KCNJ6: variants seen among roughly 807,000 people sequenced by gnomAD.
KCNJ6 encodes the protein potassium inwardly rectifying channel subfamily J member 6.
A neutral mutation model predicts 34.2 loss-of-function variants in KCNJ6; 9 were observed. The ratio of observed to expected loss-of-function variants is 0.26; its 90% CI spans 0.16 to 0.46. KCNJ6 has a LOEUF of 0.46. Among genes scored for constraint, KCNJ6 ranks in the 20% least tolerant of loss-of-function variants. The pLI is 1.00. For synonymous variants in KCNJ6, 196 were observed against 207.1 expected, an observed-to-expected ratio of 0.95 and a Z score of 0.46; for missense variants, 236 against 531.3, an observed-to-expected ratio of 0.44 and a Z score of 5.46.
chr21:37,725,872 G>A (rs986790288), intron 2 of KCNJ6, among the ~76,000 whole-genome samples: 1 of 152,146 alleles, frequency 6.6e-6, no homozygotes, highest in Non-Finnish European at 1.5e-5. Context: ...TCTTTGCAAA[G>A]ATTATCTTTT....
intron 1 of KCNJ6, among the ~76,000 whole-genome samples, chr21:37,888,819 G>A (rs1203030452): frequency 6.6e-6 from 1 of 152,226 alleles, no homozygotes; most frequent in African/African-American, 2.4e-5. Context: ...TGACAGGTGG[G>A]GTGTGCACCA....
chr21:37,913,156 T>C lies in KCNJ6; in HGVS notation c.-28+2728A>G, dbSNP rs962162297. On this transcript the variant is annotated intron_variant, in intron 1 of 3. Transcript: ENST00000609713. ...GTGACAGTTGTGGTGGTGGGGGACCTACTACCAAGGATGAGAGCAGGGCAA... is the reference window on the plus strand; with the variant it reads ...GTGACAGTTGTGGTGGTGGGGGACCCACTACCAAGGATGAGAGCAGGGCAA... Among the ~76,000 whole-genome samples the C allele has an allele frequency of 6.6e-5, 10 of 152,208 alleles. 1 individual carries two copies. Among genetic ancestry groups the C allele is most frequent in the Admixed American group, 6.5e-4 (10 of 15,282 alleles).
chr21:37,614,438 C>CATGTGTCTGTGTCTGCGTG lies in KCNJ6; in HGVS notation c.*10720_*10721insCACGCAGACACAGACACAT, dbSNP rs1601386761. 7 of 117,102 alleles carry CATGTGTCTGTGTCTGCGTG rather than the reference C, an allele frequency of 6.0e-5. No homozygotes were observed. The highest frequency in any genetic ancestry group is 3.0e-4 in the South Asian group (1 of 3,354). The allele number at this position is 117,102 out of a possible 1,614,324, so 7.3% of individuals were successfully genotyped here. A position where few individuals can be genotyped will look rare whatever the true frequency, so the allele number is the denominator to read the frequency against. ...TGTCTGTGTGAGTATGCGTGTATCT[C>CATGTGTCTGTGTCTGCGTG]TGTGTGTATGCATGTGTCTGTGTCT... is the stretch of plus-strand genomic sequence containing the variant. On this transcript the variant is annotated 3_prime_UTR_variant, in exon 4 of 4. Transcript: ENST00000609713.
chr21:37,853,846 G>GTGTA (rs71198897), intron 1 of KCNJ6, among the ~76,000 whole-genome samples: 13 of 115,956 alleles, frequency 1.1e-4, no homozygotes, highest in African/African-American at 2.8e-4. Context: ...ATATATATAT[G>GTGTA]TATATATATA....
chr21:37,884,901 T>G (rs2055727737), intron 1 of KCNJ6, among the ~76,000 whole-genome samples: 1 of 152,214 alleles, frequency 6.6e-6, no homozygotes, highest in South Asian at 2.1e-4. Flanking sequence ...AATGACTACC[T>G]GCCCTCCTGC....
chr21:37,714,984 C>G lies in KCNJ6; in HGVS notation c.173G>C (p.Arg58Thr). The part of the protein sequence containing the change: ...RTKRKIQRYV[R>T]KDGKCNVHHG... ...ATGAACATTGCACTTTCCGTCTTTC[C>G]TCACGTACCTCTGGATTTTCCTTTT... Residue 58 changes from arginine to threonine, a missense_variant, in exon 3 of 4, where the codon AGG (arginine) becomes ACG (threonine). Around this residue, in one of 5 missense-constraint regions of KCNJ6, gnomAD observed 68 missense variants for 165.7 expected, o/e 0.41. Transcript: ENST00000609713. This position sits in a 1 kb window ranked among gnomAD's most constrained non-coding sequence, Gnocchi z 5.9. 1 of 1,614,206 alleles carries G rather than the reference C, an allele frequency of 6.2e-7. No homozygotes were observed. The highest frequency in any genetic ancestry group is 8.5e-7 in the Non-Finnish European group (1 of 1,180,034).
At position 37,900,546 on chromosome 21, in the gene KCNJ6, C is replaced by A. The variant is rs1381444096; in HGVS notation, c.-28+15338G>T. On this transcript the variant is annotated intron_variant, in intron 1 of 3. Coordinates refer to ENST00000609713, the MANE Select transcript of KCNJ6 (RefSeq NM_002240.5). ...GTGGCGTGTTAGAAGGTAACGCATA[C>A]TATGGAGGAAGTTTAATCGGGAAGG... is the stretch of plus-strand genomic sequence containing the variant. Among the ~76,000 whole-genome samples, 6 of 152,110 alleles carry A rather than the reference C, an allele frequency of 3.9e-5. No individual in the cohort carries two copies. The East Asian group carries it at 1.2e-3, about 29-fold the overall frequency.
At position 37,624,835 on chromosome 21, in the gene KCNJ6, A is replaced by G. The variant is rs2054303541; in HGVS notation, c.*324T>C. On this transcript the variant is annotated 3_prime_UTR_variant, in exon 4 of 4. Coordinates refer to ENST00000609713, the MANE Select transcript of KCNJ6 (RefSeq NM_002240.5). ...GTAAAATCTTTGACACACCTTTTTGAGTGATCTGGTATTGTACAACACATG... is the reference window on the plus strand; with the variant it reads ...GTAAAATCTTTGACACACCTTTTTGGGTGATCTGGTATTGTACAACACATG... 3 of 270,380 alleles carry G rather than the reference A, an allele frequency of 1.1e-5. No individual in the cohort carries two copies. In the South Asian group the frequency reaches 2.3e-4, roughly 21 times the overall value. The allele number at this position is 270,380 out of a possible 1,614,324, so 16.7% of individuals were successfully genotyped here.
chr21:37,647,626 T>C (rs2054411707), intron 3 of KCNJ6, among the ~76,000 whole-genome samples: 1 of 152,018 alleles, frequency 6.6e-6, no homozygotes, highest in South Asian at 2.1e-4. Flanking sequence ...CCTCAAACAT[T>C]AGGGACAGTC....
chr21:37,707,192 G>A (rs1217472146), intron 3 of KCNJ6, among the ~76,000 whole-genome samples: 2 of 152,210 alleles, frequency 1.3e-5, no homozygotes, highest in African/African-American at 2.4e-5. Context: ...GTTAACACTC[G>A]CTGTTTTGAC....
intron 3 of KCNJ6, among the ~76,000 whole-genome samples, chr21:37,698,384 G>C (rs891198901): frequency 6.6e-6 from 1 of 152,232 alleles, no homozygotes. Context: ...CTCGAAGAGC[G>C]GTTCTGGCTG....
At chr21:37,633,816 A>G (rs1297344081) in intron 3 of KCNJ6, among the ~76,000 whole-genome samples, 1 of 152,172 alleles carries the variant, frequency 6.6e-6, no homozygotes, top group African/African-American at 2.4e-5. Context: ...ATTTAAATAA[A>G]TGGAGAGATA....
chr21:37,864,002 C>T (rs1488649472), intron 1 of KCNJ6, among the ~76,000 whole-genome samples: 1 of 151,834 alleles, frequency 6.6e-6, no homozygotes, highest in Non-Finnish European at 1.5e-5. Flanking sequence ...AATGAGTCAT[C>T]CGGCATCACA....
intron 3 of KCNJ6, among the ~76,000 whole-genome samples, chr21:37,659,790 T>C (rs1028807666): frequency 6.6e-6 from 1 of 152,246 alleles, no homozygotes; most frequent in Non-Finnish European, 1.5e-5. Context: ...GATTCAACCT[T>C]GTCCACTTTT....
rs955260349 is a variant in KCNJ6, at chr21:37,752,196, C to A, written c.26-37065G>T. On this transcript the variant is annotated intron_variant, in intron 2 of 3. Transcript: ENST00000609713. Reference sequence around the variant, plus strand: ...CGGGCTGCTCTGTGTCCTCATGAGACCTTGGGCACCAGGGCCAGCCATGCT... The same window carrying A: ...CGGGCTGCTCTGTGTCCTCATGAGAACTTGGGCACCAGGGCCAGCCATGCT... Among the ~76,000 whole-genome samples the A allele has an allele frequency of 6.6e-5, 10 of 152,132 alleles. No homozygotes were observed. The South Asian group carries it at 2.1e-3, about 32-fold the overall frequency.
chr21:37,657,288 C>T (rs1163994303), intron 3 of KCNJ6, among the ~76,000 whole-genome samples: 1 of 152,178 alleles, frequency 6.6e-6, no homozygotes, highest in Non-Finnish European at 1.5e-5. Flanking sequence ...TGGGGTGAAC[C>T]TACACACGTC....
chr21:37,913,874 C>T (rs941820526), intron 1 of KCNJ6, among the ~76,000 whole-genome samples: 6 of 152,130 alleles, frequency 3.9e-5, no homozygotes, highest in African/African-American at 1.4e-4. Context: ...GACCAGGGTG[C>T]TTCCACAGCT....
chr21:37,837,503 T>C (rs978633199), intron 2 of KCNJ6, among the ~76,000 whole-genome samples: 4 of 152,234 alleles, frequency 2.6e-5, no homozygotes, highest in East Asian at 3.8e-4. Context: ...TTTCCCATTA[T>C]GGTATTTGCT....
At chr21:37,788,561 T>C (rs892779753) in intron 2 of KCNJ6, among the ~76,000 whole-genome samples, 4 of 152,230 alleles carry the variant, frequency 2.6e-5, no homozygotes. Context: ...GACAGTTCTG[T>C]TTCCCCATCC....
Sources: allele counts gnomAD v4.1 joint callset (sites outside exome capture counted in the v4.1 genomes callset), GRCh38; gene constraint gnomAD v4.1.1; regional missense constraint gnomAD v4.1.1; non-coding constraint Gnocchi (gnomAD v3.1); transcripts MANE v1.5; gene names NCBI Gene and HGNC (gene_info 2026-07-23, HGNC 2026-07-21).